SCN2A: variants seen among roughly 807,000 people sequenced by gnomAD.
SCN2A encodes the protein sodium channel protein type 2 subunit alpha.
Under a neutral mutation model 188.7 loss-of-function variants are expected in SCN2A, and 20 were observed. The ratio of observed to expected loss-of-function variants is 0.11; its 90% confidence interval spans 0.07 to 0.15. The LOEUF is 0.15. Among genes scored for constraint, SCN2A ranks in the 10% least tolerant of loss-of-function variants. The pLI, the probability that SCN2A is intolerant of heterozygous loss-of-function variation, is 1.00. For synonymous variants in SCN2A, 804 were observed against 833.1 expected (o/e 0.97, Z 0.60); for missense variants, 1,278 against 2,445.0 (o/e 0.52, Z 10.07).
intron 1 of SCN2A, among the ~76,000 whole-genome samples, chr2:165,252,510 T>A (rs1694139012): frequency 6.6e-6 from 1 of 152,106 alleles, no homozygotes; most frequent in Non-Finnish European, 1.5e-5. Flanking sequence ...TGCACATTCT[T>A]TTTAAATTAA....
At position 165,309,907 on chromosome 2, in the gene SCN2A, T is replaced by G. The variant is rs1396739969; in HGVS notation, c.698-416T>G. 3.3e-5 allele frequency among the ~76,000 whole-genome samples: 5 copies of G among 152,158 alleles called. No individual in the cohort carries two copies. The East Asian group carries it at 9.6e-4, about 29-fold the overall frequency. Reference sequence around the variant, plus strand: ...CAAGCTTGCAGAATTCACAAATATATAACCTCATAATTCATCGACTTCAAG... The same window carrying G: ...CAAGCTTGCAGAATTCACAAATATAGAACCTCATAATTCATCGACTTCAAG... On this transcript the variant is annotated intron_variant, in intron 6 of 26. Coordinates refer to ENST00000375437, the MANE Select transcript of SCN2A (RefSeq NM_001040142.2).
chr2:165,341,403 A>G (rs1400953573), intron 14 of SCN2A, among the ~76,000 whole-genome samples: 2 of 152,284 alleles, frequency 1.3e-5, no homozygotes, highest in African/African-American at 4.8e-5. Flanking sequence ...CACAGTGGTG[A>G]TATTTTTAAG....
At chr2:165,265,351 T>C (rs1020992604) in intron 1 of SCN2A, among the ~76,000 whole-genome samples, 2 of 132,398 alleles carry the variant, frequency 1.5e-5, no homozygotes, top group African/African-American at 5.4e-5. Context: ...TGTTTGTTTG[T>C]TTTTTTTTCT....
rs533756791 is a variant in SCN2A, at chr2:165,367,418, T to G, written c.3675+47T>G. ...CCTTCACCTTTCATCTGAAATCTTT[T>G]CCCTTTCCCTTCAATCAACTCATAT... is the stretch of plus-strand genomic sequence containing the variant. On this transcript the variant is annotated intron_variant, in intron 19 of 26. Transcript: ENST00000375437. 2.5e-6 allele frequency: 4 copies of G among 1,600,716 alleles called. 1 individual carries two copies. The East Asian group carries it at 8.9e-5, about 36-fold the overall frequency.
intron 16 of SCN2A, among the ~76,000 whole-genome samples, chr2:165,352,774 CAT>C (rs1408174768): frequency 4.6e-5 from 7 of 152,108 alleles, no homozygotes; most frequent in Non-Finnish European, 8.8e-5. Context: ...TATGTTTACA[CAT>C]GTGTCTCATT....
At chr2:165,350,464 C>CTTTTTTTTTTTT (rs71028479) in intron 16 of SCN2A, among the ~76,000 whole-genome samples, 25 of 73,834 alleles carry the variant, frequency 3.4e-4, no homozygotes, top group African/African-American at 9.2e-4. Context: ...TGTTTTCTTT[C>CTTTTTTTTTTTT]TTTTTTTTTT....
chr2:165,367,314 G>A lies in SCN2A; in HGVS notation c.3618G>A (p.Glu1206=). The change falls in exon 19 of 27, where the codon GAG becomes GAA. Residue 1206 remains glutamate, a synonymous_variant. Transcript: ENST00000375437. The part of the protein sequence containing the change: ...NLRKTCYKIV[E]HNWFETFIVF... Reference sequence around the variant, plus strand: ...GGAAAACATGCTATAAGATAGTGGAGCACAATTGGTTCGAAACCTTCATTG... The same window carrying A: ...GGAAAACATGCTATAAGATAGTGGAACACAATTGGTTCGAAACCTTCATTG... 6.2e-7 allele frequency: 1 copy of A among 1,614,156 alleles called. No individual in the cohort carries two copies. Among genetic ancestry groups the A allele is most frequent in the Non-Finnish European group, 8.5e-7 (1 of 1,180,000 alleles).
At chr2:165,365,094 A>T in intron 17 of SCN2A, 49 bp from the exon 18 acceptor site, 1 of 1,533,014 alleles carries the variant, frequency 6.5e-7, no homozygotes, top group Non-Finnish European at 9.0e-7. Context: ...TTTTATATTT[A>T]GATTAAAGAA....
At chr2:165,320,753 C>G (rs1168268741) in intron 11 of SCN2A, among the ~76,000 whole-genome samples, 2 of 152,202 alleles carry the variant, frequency 1.3e-5, no homozygotes, top group Admixed American at 1.3e-4. Context: ...TACAGGGCAC[C>G]AAGTTCCTAG....
intron 8 of SCN2A, 140 bp downstream of exon 8, chr2:165,312,228 G>C: frequency 1.4e-6 from 1 of 701,976 alleles, no homozygotes; most frequent in South Asian, 1.5e-5. Context: ...TCTCAGAATA[G>C]CCAGGATAAG....
At chr2:165,352,111 AG>A (rs1220964146) in intron 16 of SCN2A, among the ~76,000 whole-genome samples, 1 of 152,164 alleles carries the variant, frequency 6.6e-6, no homozygotes, top group Non-Finnish European at 1.5e-5. Flanking sequence ...AATATACTTT[AG>A]GAAAATAAGT....
intron 1 of SCN2A, among the ~76,000 whole-genome samples, chr2:165,244,698 G>A (rs1243509045): frequency 1.3e-5 from 2 of 152,098 alleles, no homozygotes; most frequent in Admixed American, 6.5e-5. Context: ...AATGATCTTA[G>A]GAAGAAATTG....
intron 13 of SCN2A, among the ~76,000 whole-genome samples, chr2:165,329,336 C>T (rs901657609): frequency 2.4e-4 from 37 of 152,036 alleles, no homozygotes; most frequent in African/African-American, 8.7e-4. Flanking sequence ...GAGTTAGAAG[C>T]GCCTGAAGAA....
chr2:165,288,213 G>A (rs1185008366), intron 1 of SCN2A, among the ~76,000 whole-genome samples: 3 of 152,068 alleles, frequency 2.0e-5, no homozygotes, highest in African/African-American at 4.8e-5. Context: ...GTTGTTTAAT[G>A]GATGCTTTGT....
intron 1 of SCN2A, among the ~76,000 whole-genome samples, chr2:165,281,165 G>A (rs1695568602): frequency 6.6e-6 from 1 of 152,084 alleles, no homozygotes; most frequent in Non-Finnish European, 1.5e-5. Context: ...AGGCTGCAGT[G>A]AGCTTTGCCA....
intron 1 of SCN2A, chr2:165,273,828 C>G (rs1695207294): frequency 6.6e-6 from 1 of 152,128 alleles, no homozygotes; most frequent in South Asian, 2.1e-4. Flanking sequence ...TCATGAGTGT[C>G]AGCCTGGTAA....
At chr2:165,263,695 G>C (rs558370229) in intron 1 of SCN2A, among the ~76,000 whole-genome samples, 2 of 151,704 alleles carry the variant, frequency 1.3e-5, no homozygotes, top group African/African-American at 4.8e-5. Context: ...CTGACTATGC[G>C]GGCTCTTTTT....
At chr2:165,326,639 C>A (rs1017029181) in intron 12 of SCN2A, among the ~76,000 whole-genome samples, 1 of 152,122 alleles carries the variant, frequency 6.6e-6, no homozygotes, top group Non-Finnish European at 1.5e-5. Context: ...TAGGAAAGCC[C>A]ACCTTGACAA....
intron 17 of SCN2A, among the ~76,000 whole-genome samples, chr2:165,361,927 A>G (rs769209037): frequency 3.3e-5 from 5 of 152,050 alleles, no homozygotes; most frequent in Non-Finnish European, 7.4e-5. Context: ...TGCCCACACA[A>G]TTCAGAATCT....
Sources: gnomAD v4.1 joint callset for allele counts (sites outside exome capture counted in the v4.1 genomes callset) on GRCh38, gnomAD v4.1.1 for gene constraint, MANE v1.5 for transcripts, NCBI Gene and HGNC (gene_info 2026-07-23, HGNC 2026-07-21) for gene names.